Variants in SEMA3A observed in about 807,000 individuals in gnomAD.
SEMA3A encodes semaphorin 3A, also known as semaphorin-3A.
SEMA3A carries 29 observed loss-of-function variants against 97.9 expected under a neutral mutation model. The ratio of observed to expected loss-of-function variants is 0.30; its 90% CI spans 0.22 to 0.40. The LOEUF (loss-of-function observed/expected upper bound fraction) is 0.40. Among genes scored for constraint, SEMA3A ranks in the 10% least tolerant of loss-of-function variants. The probability of loss-of-function intolerance (pLI) is 1.00; values close to 1 mark genes in which losing one functional copy is unlikely to be tolerated. For synonymous variants in SEMA3A, 321 were observed against 323.7 expected (o/e 0.99, Z 0.09); for missense variants, 763 against 951.3 (o/e 0.80, Z 2.60).
At chr7:84,012,779 ATG>A (rs1207576650) in intron 7 of SEMA3A, among the ~76,000 whole-genome samples, 1 of 152,206 alleles carries the variant, frequency 6.6e-6, no homozygotes, top group Non-Finnish European at 1.5e-5. Flanking sequence ...CTATTGAGGT[ATG>A]TGTTTACTAG....
chr7:84,069,457 A>G (rs1477833603), intron 4 of SEMA3A, among the ~76,000 whole-genome samples: 1 of 152,168 alleles, frequency 6.6e-6, no homozygotes, highest in African/African-American at 2.4e-5. Flanking sequence ...ACTATGATCA[A>G]AATATCTTAT....
intron 1 of SEMA3A, among the ~76,000 whole-genome samples, chr7:84,442,914 A>C (rs1279103374): frequency 6.6e-6 from 1 of 152,168 alleles, no homozygotes; most frequent in Non-Finnish European, 1.5e-5. Flanking sequence ...ATAAAACATA[A>C]AGCTATAACA....
At chr7:84,203,532 T>A (rs1231858993) in intron 3 of SEMA3A, among the ~76,000 whole-genome samples, 8 of 92,642 alleles carry the variant, frequency 8.6e-5, no homozygotes, top group African/African-American at 1.8e-4. Context: ...ATATATTTTT[T>A]TTTTTTTTTT....
At chr7:84,041,668 C>T (rs770688306) in intron 6 of SEMA3A, among the ~76,000 whole-genome samples, 1 of 152,026 alleles carries the variant, frequency 6.6e-6, no homozygotes, top group African/African-American at 2.4e-5. Flanking sequence ...TAAAATACTG[C>T]ATTCTTGTTT....
At chr7:84,074,675 A>G (rs376926508) in intron 4 of SEMA3A, among the ~76,000 whole-genome samples, 2 of 152,170 alleles carry the variant, frequency 1.3e-5, no homozygotes, top group Admixed American at 6.5e-5. Context: ...TAACTTCTTT[A>G]TATAAATTAA....
At chr7:84,011,404 G>A (rs1790867192) in intron 7 of SEMA3A, 107 bp from the exon 8 acceptor site, 1 of 729,648 alleles carries the variant, frequency 1.4e-6, no homozygotes, top group South Asian at 1.8e-5. Context: ...AGTTTCTCAT[G>A]TTTTAAAAGT....
At position 84,384,615 on chromosome 7, in the gene SEMA3A, T is replaced by C. The variant is rs374149582; in HGVS notation, c.-245-12715A>G. On this transcript the variant is annotated intron_variant, in intron 1 of 3. Transcript: ENST00000424555. ...CCCCAGGCCAGTATCCTGTGTGCAG[T>C]ACACAGTGATTCAGGCAGCTTCAAT... is the stretch of plus-strand genomic sequence containing the variant. Among the ~76,000 whole-genome samples the C allele has an allele frequency of 7.9e-5, 12 of 152,244 alleles. No homozygotes were observed. The East Asian group carries it at 1.4e-3, about 17-fold the overall frequency.
chr7:84,431,326 T>C lies in SEMA3A; in HGVS notation c.-245-59426A>G, dbSNP rs540829023. On this transcript the variant is annotated intron_variant, in intron 1 of 3. Coordinates refer to the SEMA3A transcript ENST00000424555. ...AAGGGCAATTTCGTTTCCATGACTG[T>C]GATTCATTGATATCTAATTCATCAA... Among the ~76,000 whole-genome samples the C allele has an allele frequency of 9.1e-4, 139 of 152,176 alleles. 1 individual carries two copies. The highest frequency in any genetic ancestry group is 3.4e-3 in the Middle Eastern group (1 of 292).
At chr7:84,203,766 G>A (rs1467768586) in intron 3 of SEMA3A, among the ~76,000 whole-genome samples, 1 of 151,516 alleles carries the variant, frequency 6.6e-6, no homozygotes, top group Non-Finnish European at 1.5e-5. Context: ...CCTGACCGCA[G>A]GTGATCCAAC....
intron 3 of SEMA3A, among the ~76,000 whole-genome samples, chr7:84,217,957 C>T (rs1368058700): frequency 6.6e-6 from 1 of 151,786 alleles, no homozygotes; most frequent in East Asian, 1.9e-4. Flanking sequence ...TGTTGGTATG[C>T]ACCTGTAGTC....
intron 1 of SEMA3A, among the ~76,000 whole-genome samples, chr7:84,388,502 A>T (rs914100845): frequency 1.3e-5 from 2 of 151,868 alleles, no homozygotes; most frequent in Non-Finnish European, 2.9e-5. Flanking sequence ...TCTTTAAAAA[A>T]TTTTTCAATT....
chr7:83,969,551 C>T (rs764450375), intron 15 of SEMA3A, among the ~76,000 whole-genome samples: 22 of 152,080 alleles, frequency 1.4e-4, no homozygotes, highest in Non-Finnish European at 2.5e-4. Flanking sequence ...AACCTGAAAT[C>T]TCATGTAACT....
At chr7:84,269,215 C>T (rs573033199) in intron 3 of SEMA3A, among the ~76,000 whole-genome samples, 1 of 152,124 alleles carries the variant, frequency 6.6e-6, no homozygotes. Flanking sequence ...GCACTCTGTT[C>T]CTTCCATAGT....
At chr7:83,965,192 G>C (rs1788622644) in intron 15 of SEMA3A, among the ~76,000 whole-genome samples, 2 of 151,842 alleles carry the variant, frequency 1.3e-5, no homozygotes, top group African/African-American at 4.8e-5. Flanking sequence ...GCCCGCCTCG[G>C]CCTCCCAAAG....
At chr7:83,994,593 C>T (rs2116363014) in intron 12 of SEMA3A, among the ~76,000 whole-genome samples, 1 of 142,758 alleles carries the variant, frequency 7.0e-6, no homozygotes, top group South Asian at 2.4e-4. Context: ...TGTTAGTGTG[C>T]CCCTGCTGGG....
intron 1 of SEMA3A, among the ~76,000 whole-genome samples, chr7:84,171,219 T>A (rs867246698): frequency 6.6e-6 from 1 of 152,136 alleles, no homozygotes; most frequent in Non-Finnish European, 1.5e-5. Flanking sequence ...AAAATGAACA[T>A]AAATTTAAGT....
At chr7:84,391,750 T>C (rs931568087) in intron 1 of SEMA3A, among the ~76,000 whole-genome samples, 2 of 152,054 alleles carry the variant, frequency 1.3e-5, no homozygotes, top group African/African-American at 4.8e-5. Flanking sequence ...GGTGGGAAGA[T>C]TGCTGAGTCC....
intron 1 of SEMA3A, among the ~76,000 whole-genome samples, chr7:84,170,241 T>A (rs555898249): frequency 3.9e-5 from 6 of 152,100 alleles, no homozygotes; most frequent in African/African-American, 1.4e-4. Context: ...TTGCTTTATA[T>A]TTTTCCCATC....
intron 4 of SEMA3A, among the ~76,000 whole-genome samples, chr7:84,068,959 C>T (rs1186582903): frequency 2.6e-5 from 4 of 151,978 alleles, no homozygotes; most frequent in Admixed American, 1.3e-4. Flanking sequence ...CCTCTTTTAC[C>T]GATACATAAT....
Sources: gnomAD v4.1 joint callset for allele counts (sites outside exome capture counted in the v4.1 genomes callset) on GRCh38, gnomAD v4.1.1 for gene constraint, MANE v1.5 for transcripts, NCBI Gene and HGNC (gene_info 2026-07-23, HGNC 2026-07-21) for gene names.